The following KCNC4 variants were observed in gnomAD, a reference collection of about 807,000 sequenced individuals.
The protein encoded by KCNC4 is potassium voltage-gated channel subfamily C member 4.
Under a neutral mutation model 42.8 loss-of-function variants are expected in KCNC4, and 23 were observed. The ratio of observed to expected loss-of-function variants is 0.54; its 90% CI spans 0.39 to 0.76. The LOEUF (loss-of-function observed/expected upper bound fraction) is 0.76. KCNC4 is among the 30% of genes least tolerant of loss of function. The pLI is 0.00. For missense variants in KCNC4, 751 were observed against 898.2 expected (o/e 0.84, Z 2.10); for synonymous variants, 422 against 393.5 (o/e 1.07, Z -0.86).
chr1:110,215,222 T>C (rs1657722746), intron 1 of KCNC4, among the ~76,000 whole-genome samples: 1 of 152,226 alleles, frequency 6.6e-6, no homozygotes, highest in African/African-American at 2.4e-5. Flanking sequence ...CAAGGAGCTG[T>C]TCCGCTCAGG....
At chr1:110,256,096 GGGT>G (rs1659323081) in intron 1 of KCNC4, among the ~76,000 whole-genome samples, 3 of 152,196 alleles carry the variant, frequency 2.0e-5, no homozygotes, top group Admixed American at 1.3e-4. Flanking sequence ...CCACTCTTCT[GGGT>G]GGCACTGTAC....
At position 110,246,171 on chromosome 1, in the gene KCNC4, G is replaced by A. The variant is rs147935267; in HGVS notation, c.*13862G>A. ...CGACCTCAAGGCTGCCAGAGTATCA[G>A]CTACTAAATCACCAATCTATAAAAG... On this transcript the variant is annotated 3_prime_UTR_variant, in exon 4 of 4. Coordinates refer to the KCNC4 transcript ENST00000369787. 2.0e-5 allele frequency: 3 copies of A among 152,204 alleles called. No individual in the cohort carries two copies. The East Asian group carries it at 5.8e-4, about 29-fold the overall frequency. The allele number at this position is 152,204 out of a possible 1,614,324, so 9.4% of individuals were successfully genotyped here.
exon 4 of KCNC4, chr1:110,245,033 G>A (rs1011637644): frequency 2.0e-5 from 3 of 152,190 alleles, no homozygotes; most frequent in African/African-American, 7.2e-5. Context: ...TTCTGAATGA[G>A]CTCTAAGAAC....
chr1:110,273,505 C>T (rs4839286), intron 1 of KCNC4, among the ~76,000 whole-genome samples: 44,042 of 151,962 alleles, frequency 0.29, 6,802 homozygotes, highest in Admixed American at 0.43. Context: ...ACACTAATGC[C>T]GAGCCTGGCA....
intron 1 of KCNC4, among the ~76,000 whole-genome samples, chr1:110,260,925 G>C (rs554752641): frequency 1.6e-4 from 25 of 152,272 alleles, no homozygotes; most frequent in South Asian, 8.3e-4. Flanking sequence ...GCGAGACTCC[G>C]TCTCAAAAAA....
At chr1:110,251,363 G>GA (rs1474965970), downstream of KCNC4, among the ~76,000 whole-genome samples, 1 of 152,172 alleles carries the variant, frequency 6.6e-6, no homozygotes. Flanking sequence ...TCACAATAGT[G>GA]AATACATCTC....
At chr1:110,258,919 C>T (rs1044485141) in intron 1 of KCNC4, among the ~76,000 whole-genome samples, 3 of 152,202 alleles carry the variant, frequency 2.0e-5, no homozygotes, top group Non-Finnish European at 4.4e-5. Flanking sequence ...ACCTCCCACA[C>T]AAGGTCTTCT....
chr1:110,270,459 C>T (rs989614654), intron 1 of KCNC4, among the ~76,000 whole-genome samples: 1 of 152,178 alleles, frequency 6.6e-6, no homozygotes, highest in Non-Finnish European at 1.5e-5. Flanking sequence ...TGAGGCTATA[C>T]TAATAATCTC....
intron 3 of KCNC4, among the ~76,000 whole-genome samples, chr1:110,229,499 CTCTGCTTCT>C (rs986419418): frequency 1.3e-5 from 2 of 152,176 alleles, no homozygotes; most frequent in Admixed American, 1.3e-4. Flanking sequence ...ACGCTGCTTC[CTCTGCTTCT>C]GCGACAGTTC....
At chr1:110,218,147 T>C (rs923996392) in intron 1 of KCNC4, among the ~76,000 whole-genome samples, 1 of 152,308 alleles carries the variant, frequency 6.6e-6, no homozygotes, top group South Asian at 2.1e-4. Flanking sequence ...GCTGATTGTA[T>C]GCAGTTCCCA....
chr1:110,219,620 G>C (rs932961622), intron 1 of KCNC4: 2 of 152,100 alleles, frequency 1.3e-5, no homozygotes, highest in African/African-American at 4.8e-5. Flanking sequence ...TGAATAGAAG[G>C]CTCAAGGCTG....
At chr1:110,219,729 C>T (rs1169640792) in intron 1 of KCNC4, 4 of 152,186 alleles carry the variant, frequency 2.6e-5, no homozygotes. Context: ...AGCTGTGTAT[C>T]CCTGCCCACA....
chr1:110,221,532 G>C (rs1439953851), intron 1 of KCNC4: 2 of 152,222 alleles, frequency 1.3e-5, no homozygotes, highest in Non-Finnish European at 2.9e-5. Context: ...CATTTTCCCA[G>C]GTCCCCTTGT....
Position 110,232,228 on chromosome 1 carries a change from C to A in KCNC4, c.1820-683C>A, listed in dbSNP as rs753318385. ...CCTTCTCTCCTGAGACAGGCACATT[C>A]GTCCTCCGTGACCTTCCCCTTCAGC... On this transcript the variant is annotated intron_variant, in intron 3 of 3. Coordinates refer to ENST00000438661, the MANE Select transcript of KCNC4 (RefSeq NM_001039574.3). 37 of 1,613,726 alleles carry A rather than the reference C, an allele frequency of 2.3e-5. No homozygotes were observed. The highest frequency in any genetic ancestry group is 4.2e-6 in the Non-Finnish European group (5 of 1,179,870).
intron 1 of KCNC4, among the ~76,000 whole-genome samples, chr1:110,218,027 C>G (rs190196900): frequency 5.1e-4 from 77 of 152,242 alleles, no homozygotes; most frequent in African/African-American, 1.7e-3. Flanking sequence ...TCAATTTTCC[C>G]TTCTCCTACA....
At chr1:110,276,665 A>G (rs957673556) in intron 1 of KCNC4, among the ~76,000 whole-genome samples, 4 of 152,148 alleles carry the variant, frequency 2.6e-5, no homozygotes, top group Non-Finnish European at 4.4e-5. Flanking sequence ...CTGATTTACC[A>G]TCAATCTCTT....
chr1:110,260,917 G>A (rs951383334), intron 1 of KCNC4, among the ~76,000 whole-genome samples: 1 of 152,194 alleles, frequency 6.6e-6, no homozygotes, highest in Non-Finnish European at 1.5e-5. Flanking sequence ...GTGACGCAGC[G>A]AGACTCCGTC....
At chr1:110,250,934 A>T (rs1659240068), downstream of KCNC4, among the ~76,000 whole-genome samples, 1 of 152,144 alleles carries the variant, frequency 6.6e-6, no homozygotes, top group Non-Finnish European at 1.5e-5. Context: ...CACCTCCTGG[A>T]GGCTTATCTA....
In KCNC4 at chr1:110,212,135, G is replaced by T; in HGVS notation, c.636G>T (p.Met212Ile). ...GCTGCCGCGGCTGGCAGCCCCGCATGTGGGCGCTCTTCGAGGATCCCTACT... is the reference window on the plus strand; with the variant it reads ...GCTGCCGCGGCTGGCAGCCCCGCATTTGGGCGCTCTTCGAGGATCCCTACT... ...SGGCRGWQPR[M>I]WALFEDPYSS... The change falls in exon 1 of 4, where the codon ATG becomes ATT. Residue 212 changes from methionine to isoleucine, a missense_variant. Met to Ile is a conservative substitution (Grantham distance 10, BLOSUM62 1). Coordinates refer to ENST00000438661, the MANE Select transcript of KCNC4 (RefSeq NM_001039574.3). The T allele has an allele frequency of 6.6e-7, 1 of 1,508,722 alleles. No homozygotes were observed. The allele number at this position is 1,508,722 out of a possible 1,614,324, so 93.5% of individuals were successfully genotyped here.
Sources: allele counts gnomAD v4.1 joint callset (sites outside exome capture counted in the v4.1 genomes callset), GRCh38; gene constraint gnomAD v4.1.1; transcripts MANE v1.5; gene names NCBI Gene and HGNC (gene_info 2026-07-23, HGNC 2026-07-21).